The following SPTBN1 variants were observed in gnomAD, a reference collection of about 807,000 sequenced individuals.
SPTBN1 encodes spectrin beta, non-erythrocytic 1.
Under a neutral mutation model 266.4 loss-of-function variants are expected in SPTBN1, and 32 were observed. The ratio of observed to expected loss-of-function variants is 0.12; its 90% CI spans 0.09 to 0.16. SPTBN1 has a LOEUF of 0.16. SPTBN1 is among the 10% of genes least tolerant of loss of function. The pLI is 1.00. For synonymous variants in SPTBN1, 1,336 were observed against 1,162.2 expected (o/e 1.15, Z -3.04); for missense variants, 2,296 against 3,067.1 (o/e 0.75, Z 5.94).
chr2:54,457,233 GC>G (rs1429612513), intron 1 of SPTBN1: 2 of 146,810 alleles, frequency 1.4e-5, no homozygotes, highest in Non-Finnish European at 3.0e-5. Flanking sequence ...CCGCCGCTGC[GC>G]CCGCCCTTCA....
At chr2:54,485,234 A>T (rs1223394607) in intron 1 of SPTBN1, among the ~76,000 whole-genome samples, 3 of 147,046 alleles carry the variant, frequency 2.0e-5, no homozygotes, top group African/African-American at 7.3e-5. Flanking sequence ...TCTCCCTCTG[A>T]TGCCAAGCCG....
chr2:54,475,107 G>A (rs549425960), intron 1 of SPTBN1, among the ~76,000 whole-genome samples: 12 of 152,210 alleles, frequency 7.9e-5, no homozygotes, highest in Admixed American at 5.2e-4. Flanking sequence ...TCAGGAGGCC[G>A]AGTCAGGAGA....
chr2:54,618,559 GGGCAACA>G (rs1315158334), intron 7 of SPTBN1, among the ~76,000 whole-genome samples: 4 of 152,198 alleles, frequency 2.6e-5, no homozygotes, highest in African/African-American at 9.7e-5. Context: ...ATCCCCATAG[GGGCAACA>G]GGCAACAGGG....
intron 4 of SPTBN1, among the ~76,000 whole-genome samples, 176 bp from the exon 5 acceptor site, chr2:54,616,031 G>T (rs1031546220): frequency 1.4e-4 from 22 of 152,214 alleles, no homozygotes; most frequent in African/African-American, 5.3e-4. Flanking sequence ...AGTTTTCGTT[G>T]TGTTTCTGAA....
chr2:54,516,573 G>A (rs751920969), intron 1 of SPTBN1, among the ~76,000 whole-genome samples: 3 of 152,116 alleles, frequency 2.0e-5, no homozygotes, highest in Non-Finnish European at 4.4e-5. Context: ...TGACTGAAAC[G>A]TCAAATATGG....
Position 54,655,183 on chromosome 2 carries a change from C to A in SPTBN1, c.5936C>A (p.Ala1979Glu), listed in dbSNP as rs749497911. 12 of 1,613,930 alleles carry A rather than the reference C, an allele frequency of 7.4e-6. No individual in the cohort carries two copies. Among genetic ancestry groups the A allele is most frequent in the Non-Finnish European group, 1.0e-5 (12 of 1,180,014 alleles). The change falls in exon 28 of 36, where the codon GCG becomes GAG. Residue 1979 changes from alanine to glutamate, a missense_variant. Physicochemically the swap from Ala to Glu is moderately radical, Grantham distance 107. Transcript: ENST00000356805. Reference protein sequence around the residue: ...TCIELGKSLLARKHYASEEIK... With the variant: ...TCIELGKSLLERKHYASEEIK... ...ATTGAACTTGGGAAATCCCTGTTGG[C>A]GAGAAAACACTATGCATCTGAGGAG...
At position 54,499,882 on chromosome 2, in the gene SPTBN1, G is replaced by A. The variant is rs1206515715; in HGVS notation, c.-47-26490G>A. ...CAGAGTTTTGGCTAACTTTTCCAGT[G>A]TTTGTTAAAGTTGAAAAAGCATTGC... On this transcript the variant is annotated intron_variant, in intron 1 of 35. Transcript: ENST00000356805. 3.3e-5 allele frequency among the ~76,000 whole-genome samples: 5 copies of A among 152,288 alleles called. No individual in the cohort carries two copies. In the East Asian group the frequency reaches 9.6e-4, roughly 29 times the overall value.
At chr2:54,459,502 C>T (rs1251202177) in intron 1 of SPTBN1, among the ~76,000 whole-genome samples, 2 of 152,162 alleles carry the variant, frequency 1.3e-5, no homozygotes, top group Admixed American at 1.3e-4. Context: ...CTACTGCTAA[C>T]ATAGACATGA....
At chr2:54,547,192 A>G (rs1045094728) in intron 2 of SPTBN1, among the ~76,000 whole-genome samples, 1 of 152,200 alleles carries the variant, frequency 6.6e-6, no homozygotes, top group Non-Finnish European at 1.5e-5. Context: ...ACTACTCAAC[A>G]TACTGCATGT....
At chr2:54,545,308 G>A (rs1168215258) in intron 2 of SPTBN1, 1 of 152,142 alleles carries the variant, frequency 6.6e-6, no homozygotes, top group Non-Finnish European at 1.5e-5. Context: ...CTGTTGGTGG[G>A]AGTGTAAATT....
intron 1 of SPTBN1, among the ~76,000 whole-genome samples, chr2:54,513,213 C>T (rs1380357597): frequency 6.6e-6 from 1 of 152,194 alleles, no homozygotes; most frequent in African/African-American, 2.4e-5. Context: ...CACACTAGAA[C>T]AGAACAAAGA....
At chr2:54,643,374 T>G (rs1572739435) in intron 19 of SPTBN1, among the ~76,000 whole-genome samples, 1 of 152,196 alleles carries the variant, frequency 6.6e-6, no homozygotes, top group African/African-American at 2.4e-5. Context: ...TACTAGGCAT[T>G]TAGTTTCTGT....
intron 2 of SPTBN1, among the ~76,000 whole-genome samples, chr2:54,582,468 G>A (rs576476741): frequency 1.3e-4 from 20 of 151,782 alleles, no homozygotes; most frequent in Admixed American, 1.3e-3. Flanking sequence ...GGAGGCTGAG[G>A]CAGGAGAATG....
Position 54,624,864 on chromosome 2 carries a change from A to G in SPTBN1, c.1243A>G (p.Ile415Val). ...ERELALRNEL[I>V]RQEKLEQLAR... ...AGAACTGGCTTTGCGGAATGAGCTCATAAGACAGGAGAAACTGGAACAGCT... is the reference window on the plus strand; with the variant it reads ...AGAACTGGCTTTGCGGAATGAGCTCGTAAGACAGGAGAAACTGGAACAGCT... The change falls in exon 11 of 36, where the codon ATA becomes GTA. Residue 415 changes from isoleucine (I) to valine (V), a missense_variant. By Grantham distance (29) the Ile-to-Val change is conservative (BLOSUM62 3). Around this residue, in one of 12 missense-constraint regions of SPTBN1, gnomAD observed 148 missense variants for 203.8 expected, o/e 0.73. Coordinates refer to ENST00000356805, the MANE Select transcript of SPTBN1 (RefSeq NM_003128.3). The G allele has an allele frequency of 6.2e-7, 1 of 1,614,008 alleles. No homozygotes were observed. Among genetic ancestry groups the G allele is most frequent in the Non-Finnish European group, 8.5e-7 (1 of 1,179,826 alleles).
Position 54,540,291 on chromosome 2 carries a change from A to G in SPTBN1, c.148+13725A>G, listed in dbSNP as rs74675216. Among the ~76,000 whole-genome samples, 143 of 152,278 alleles carry G rather than the reference A, an allele frequency of 9.4e-4. No individual in the cohort carries two copies. The highest frequency in any genetic ancestry group is 1.9e-3 in the Non-Finnish European group (128 of 68,026). On this transcript the variant is annotated intron_variant, in intron 2 of 35. Transcript: ENST00000356805. This position sits in a 1 kb window ranked among gnomAD's most constrained non-coding sequence, Gnocchi z 5.6. The stretch of plus-strand genomic sequence containing the variant: ...GGAGTTTAATCTTTCTCCTACCAGA[A>G]TATTTGTCTTAGATTTTCATTCTGG...
At chr2:54,571,639 A>G (rs1359264934) in intron 2 of SPTBN1, among the ~76,000 whole-genome samples, 2 of 151,868 alleles carry the variant, frequency 1.3e-5, no homozygotes, top group African/African-American at 2.4e-5. Context: ...CTGGCTGCCT[A>G]TTACTGTGTA....
At chr2:54,596,789 G>A (rs1676122932) in intron 2 of SPTBN1, among the ~76,000 whole-genome samples, 1 of 152,188 alleles carries the variant, frequency 6.6e-6, no homozygotes, top group African/African-American at 2.4e-5. Flanking sequence ...GTCTGTTTCA[G>A]CTCTGTTCTC....
intron 1 of SPTBN1, among the ~76,000 whole-genome samples, chr2:54,472,775 T>C (rs928188123): frequency 6.6e-6 from 1 of 152,304 alleles, no homozygotes; most frequent in South Asian, 2.1e-4. Flanking sequence ...ATGACATTTT[T>C]AAAAATGCAG....
intron 2 of SPTBN1, among the ~76,000 whole-genome samples, chr2:54,575,265 C>T (rs1240020763): frequency 1.3e-5 from 2 of 152,236 alleles, no homozygotes; most frequent in African/African-American, 4.8e-5. Flanking sequence ...ATACAATACA[C>T]AGCTGAAAGA....
Sources: gnomAD v4.1 joint callset for allele counts (sites outside exome capture counted in the v4.1 genomes callset) on GRCh38, gnomAD v4.1.1 for gene constraint, gnomAD v4.1.1 regional missense constraint, Gnocchi (gnomAD v3.1) non-coding constraint, MANE v1.5 for transcripts, NCBI Gene and HGNC (gene_info 2026-07-23, HGNC 2026-07-21) for gene names.